The following DHX16 variants were observed in gnomAD, a reference collection of about 807,000 sequenced individuals.
The protein encoded by DHX16 is DEAH-box helicase 16, also known as pre-mRNA-splicing factor ATP-dependent RNA helicase DHX16.
Under a neutral mutation model 131.2 loss-of-function variants are expected in DHX16, and 81 were observed. The ratio of observed to expected loss-of-function variants is 0.62; its 90% CI spans 0.52 to 0.74. The LOEUF is 0.74. DHX16 is among the 30% of genes least tolerant of loss of function. The pLI is 0.00. For synonymous variants in DHX16, 440 were observed against 520.2 expected (o/e 0.85, Z 2.10); for missense variants, 980 against 1,363.1 (o/e 0.72, Z 4.43).
chr6:30,655,359 A>G, intron 17 of DHX16, 23 bp from the exon 18 acceptor site: 2 of 1,613,872 alleles, frequency 1.2e-6, no homozygotes, highest in Non-Finnish European at 1.7e-6. Flanking sequence ...TTAAAAAGAA[A>G]GGAGAGATAA....
Position 30,662,953 on chromosome 6 carries a change from G to T in DHX16, c.1386C>A (p.Ala462=), listed in dbSNP as rs141437592. Residue 462 remains alanine (A), a synonymous_variant, in exon 8 of 20, where the codon GCC becomes GCA. Coordinates refer to ENST00000376442, the MANE Select transcript of DHX16 (RefSeq NM_003587.5). The surrounding 1 kb of genome is among the most constrained non-coding windows in gnomAD (Gnocchi z 4.7). ...CACCCATCTCCCGGGCCACTCGGGCGGCCACACTCATGGCAGCCACTCTCC... is the reference window on the plus strand; with the variant it reads ...CACCCATCTCCCGGGCCACTCGGGCTGCCACACTCATGGCAGCCACTCTCC... ...QPRRVAAMSV[A]ARVAREMGVK... The T allele has an allele frequency of 6.2e-7, 1 of 1,613,250 alleles. No individual in the cohort carries two copies. Among genetic ancestry groups the T allele is most frequent in the Non-Finnish European group, 8.5e-7 (1 of 1,180,026 alleles).
chr6:30,670,561 G>A lies in DHX16; in HGVS notation c.610-95C>T, dbSNP rs75423947. ...AGAATCACAAGGATCATTCAGATGC[G>A]CCCTAACACAAAAAATGTCCCCTCT... On this transcript the variant is annotated intron_variant, in intron 3 of 19. Transcript: ENST00000376442. This position sits in a 1 kb window ranked among gnomAD's most constrained non-coding sequence, Gnocchi z 4.4. 16,054 of 1,372,972 alleles carry A rather than the reference G, an allele frequency of 0.012. 408 individuals carry two copies. Among genetic ancestry groups the A allele is most frequent in the African/African-American group, 0.057 (3,887 of 68,734 alleles). 85.0% of individuals were successfully genotyped at this position (1,372,972 alleles called of 1,614,324 possible).
chr6:30,664,657 A>T, intron 7 of DHX16, 144 bp downstream of exon 7: 1 of 716,230 alleles, frequency 1.4e-6, no homozygotes, highest in Non-Finnish European at 2.3e-6. Context: ...TGAAAAGGGT[A>T]TGGTCTTTAC....
intron 4 of DHX16, among the ~76,000 whole-genome samples, chr6:30,669,541 A>G (rs545778712): frequency 6.6e-6 from 1 of 152,120 alleles, no homozygotes; most frequent in Non-Finnish European, 1.5e-5. Context: ...GTGGATCACA[A>G]GGTCAGGGGT....
At position 30,662,854 on chromosome 6, in the gene DHX16, A is replaced by G. The variant is rs1365184249; in HGVS notation, c.1428+57T>C. 1 of 1,567,130 alleles carries G rather than the reference A, an allele frequency of 6.4e-7. No homozygotes were observed. The highest frequency in any genetic ancestry group is 8.8e-7 in the Non-Finnish European group (1 of 1,139,822). The stretch of plus-strand genomic sequence containing the variant: ...ACTTCTGCTGTAGGGACCTGAGGGA[A>G]CTGTAGACTGAGTCACAGACCCCAG... On this transcript the variant is annotated intron_variant, in intron 8 of 19. Transcript: ENST00000376442. The surrounding 1 kb of genome is among the most constrained non-coding windows in gnomAD (Gnocchi z 4.7).
chr6:30,658,989 C>T (rs58273626), intron 12 of DHX16, among the ~76,000 whole-genome samples: 2 of 152,066 alleles, frequency 1.3e-5, no homozygotes, highest in South Asian at 2.1e-4. Context: ...TGGGTTCAAG[C>T]GATTCTCATG....
intron 7 of DHX16, among the ~76,000 whole-genome samples, chr6:30,664,179 G>A (rs1190061730): frequency 1.3e-5 from 2 of 151,048 alleles, no homozygotes; most frequent in African/African-American, 2.4e-5. Context: ...CAGAGCAAGA[G>A]CCTGTCTCCA....
Position 30,662,800 on chromosome 6 carries a change from G to A in DHX16, c.1429-58C>T, listed in dbSNP as rs541842294. 2.2e-5 allele frequency: 35 copies of A among 1,577,140 alleles called. No homozygotes were observed. In the African/African-American group the frequency reaches 4.3e-4, roughly 19 times the overall value. ...GGCTGGTGTGCCCTGAAAGGAACTT[G>A]GGGAAAGGTGAAGTGGGGCAGCACC... On this transcript the variant is annotated intron_variant, in intron 8 of 19. Coordinates refer to ENST00000376442, the MANE Select transcript of DHX16 (RefSeq NM_003587.5). This position sits in a 1 kb window ranked among gnomAD's most constrained non-coding sequence, Gnocchi z 4.7.
rs772762809 is a variant in DHX16, at chr6:30,656,474, G to C, written c.2347C>G (p.Pro783Ala). The change falls in exon 15 of 20, where the codon CCT (proline) becomes GCT (alanine). Residue 783 changes from proline to alanine, a missense_variant. Pro to Ala is a conservative substitution (Grantham distance 27, BLOSUM62 -1). Transcript: ENST00000376442. The surrounding 1 kb of genome is among the most constrained non-coding windows in gnomAD (Gnocchi z 5.1). The part of the protein sequence containing the change: ...HDLMHFDFLD[P>A]PPYETLLLAL... ...AGCAGCAGTGTCTCATATGGTGGAG[G>C]GTCCAGGAAATCAAAGTGCATTAGG... 1.1e-5 allele frequency: 18 copies of C among 1,614,040 alleles called. No homozygotes were observed. Among genetic ancestry groups the C allele is most frequent in the Non-Finnish European group, 1.5e-5 (18 of 1,180,034 alleles).
Position 30,656,532 on chromosome 6 carries a change from G to C in DHX16, c.2312-23C>G. The C allele has an allele frequency of 6.2e-7, 1 of 1,614,108 alleles. No individual in the cohort carries two copies. The highest frequency in any genetic ancestry group is 8.5e-7 in the Non-Finnish European group (1 of 1,179,966). The stretch of plus-strand genomic sequence containing the variant: ...TCCCTAGAAAGAGGTGTGATGGATG[G>C]AACAGAGTCCCTTCAAAGGACAGTG... On this transcript the variant is annotated intron_variant, in intron 14 of 19. Coordinates refer to ENST00000376442, the MANE Select transcript of DHX16 (RefSeq NM_003587.5). This position sits in a 1 kb window ranked among gnomAD's most constrained non-coding sequence, Gnocchi z 5.1.
Position 30,672,897 on chromosome 6 carries a change from C to T in DHX16, c.-56G>A. On this transcript the variant is annotated 5_prime_UTR_variant, in exon 1 of 20. Transcript: ENST00000376442. ...AAGCGTCGGGCAGCCGCGCTCACTG[C>T]TGGGCCGGTCAGAGGCCTGGAGCCC... The T allele has an allele frequency of 6.2e-7, 1 of 1,602,676 alleles. No homozygotes were observed. Among genetic ancestry groups the T allele is most frequent in the South Asian group, 1.1e-5 (1 of 89,858 alleles).
rs368358552 is a variant in DHX16 at position 30,665,088 on chromosome 6, G to C, written c.1108C>G (p.Gln370Glu). 6.2e-7 allele frequency: 1 copy of C among 1,613,902 alleles called. No individual in the cohort carries two copies. The highest frequency in any genetic ancestry group is 1.3e-5 in the African/African-American group (1 of 74,900). Residue 370 changes from glutamine to glutamate, a missense_variant, in exon 6 of 20, where the codon CAG (glutamine) becomes GAG (glutamate). Transcript: ENST00000376442. The surrounding 1 kb of genome is among the most constrained non-coding windows in gnomAD (Gnocchi z 4.8). ...EETIEFVRAT[Q>E]LQGDEEPSAP... ...CCTCTTACCTCATCACCCTGGAGCTGAGTGGCCCGGACAAACTCAATGGTC... is the reference window on the plus strand; with the variant it reads ...CCTCTTACCTCATCACCCTGGAGCTCAGTGGCCCGGACAAACTCAATGGTC...
intron 12 of DHX16, among the ~76,000 whole-genome samples, chr6:30,658,222 T>C (rs867953922): frequency 2.0e-5 from 3 of 152,090 alleles, no homozygotes; most frequent in East Asian, 1.9e-4. Flanking sequence ...CTGGCCAACA[T>C]GGCGAAACCC....
Position 30,659,816 on chromosome 6 carries a change from A to C in DHX16, c.1774T>G (p.Leu592Val). Residue 592 changes from leucine (L) to valine (V), a missense_variant, in exon 11 of 20, where the codon TTG becomes GTG. Leu to Val is a conservative substitution (Grantham distance 32). Transcript: ENST00000376442. The part of the protein sequence containing the change: ...FYTKAPEADY[L>V]EACVVSVLQI... The stretch of plus-strand genomic sequence containing the variant: ...AACACAGATACTACACAAGCTTCCA[A>C]GTAGTCAGCCTCTGGAGCCTGGAGA... 6.2e-7 allele frequency: 1 copy of C among 1,614,212 alleles called. No homozygotes were observed. Among genetic ancestry groups the C allele is most frequent in the East Asian group, 2.2e-5 (1 of 44,884 alleles).
Position 30,656,164 on chromosome 6 carries a change from T to C in DHX16, c.2498+34A>G. On this transcript the variant is annotated intron_variant, in intron 16 of 19. Coordinates refer to ENST00000376442, the MANE Select transcript of DHX16 (RefSeq NM_003587.5). This position sits in a 1 kb window ranked among gnomAD's most constrained non-coding sequence, Gnocchi z 5.1. ...AGACAGAGGAGGCCTGGCCTGTTTG[T>C]GTGCTGGGGGCCCAGGTGGAGGCGA... 6.2e-7 allele frequency: 1 copy of C among 1,607,850 alleles called. No homozygotes were observed. Among genetic ancestry groups the C allele is most frequent in the Non-Finnish European group, 8.5e-7 (1 of 1,177,248 alleles).
chr6:30,664,858 A>G lies in DHX16; in HGVS notation c.1260T>C (p.Ile420=). ...AAIANHQVLI[I]EGETGSGKTT... ...TCTTCCCTGAGCCTGTCTCGCCTTC[A>G]ATGATGAGGACTTGGTGATTTGCAA... The change falls in exon 7 of 20, where the codon ATT becomes ATC. Residue 420 remains isoleucine (I), a synonymous_variant. Coordinates refer to ENST00000376442, the MANE Select transcript of DHX16 (RefSeq NM_003587.5). The G allele has an allele frequency of 1.2e-6, 2 of 1,613,146 alleles. No homozygotes were observed. Among genetic ancestry groups the G allele is most frequent in the Non-Finnish European group, 1.7e-6 (2 of 1,180,022 alleles).
At chr6:30,653,965 T>C (rs1000594369) in intron 19 of DHX16, among the ~76,000 whole-genome samples, 3 of 150,390 alleles carry the variant, frequency 2.0e-5, no homozygotes, top group Admixed American at 1.3e-4. Context: ...ACTAAAAATA[T>C]AAAATTAGCT....
chr6:30,671,522 T>A (rs1408785974), intron 1 of DHX16, among the ~76,000 whole-genome samples: 1 of 152,078 alleles, frequency 6.6e-6, no homozygotes, highest in Non-Finnish European at 1.5e-5. Flanking sequence ...TATTTTTGTA[T>A]TTTTAGTAGA....
Position 30,656,298 on chromosome 6 carries a change from C to A in DHX16, c.2431-33G>T. ...GAAGAGAGAGAGAGTTGAGCCCAGT[C>A]CTCCCTCAGGTTTCCCGCTACTACT... On this transcript the variant is annotated intron_variant, in intron 15 of 19. Transcript: ENST00000376442. This position sits in a 1 kb window ranked among gnomAD's most constrained non-coding sequence, Gnocchi z 5.1. 6.2e-7 allele frequency: 1 copy of A among 1,613,364 alleles called. No homozygotes were observed. Among genetic ancestry groups the A allele is most frequent in the Non-Finnish European group, 8.5e-7 (1 of 1,179,530 alleles).
Sources: allele counts gnomAD v4.1 joint callset (sites outside exome capture counted in the v4.1 genomes callset), GRCh38; gene constraint gnomAD v4.1.1; non-coding constraint Gnocchi (gnomAD v3.1); transcripts MANE v1.5; gene names NCBI Gene and HGNC (gene_info 2026-07-23, HGNC 2026-07-21).